Variants in TNR observed in about 807,000 individuals in gnomAD.
The protein encoded by TNR is tenascin-R.
A neutral mutation model predicts 150.4 loss-of-function variants in TNR; 45 were observed. The ratio of observed to expected loss-of-function variants is 0.30; its 90% CI spans 0.24 to 0.38. The LOEUF is 0.38. Ranked by LOEUF, TNR falls within the 10% of genes least tolerant of loss-of-function variation. TNR has a pLI of 1.00. For synonymous variants in TNR, 687 were observed against 678.4 expected (o/e 1.01, Z -0.20); for missense variants, 1,544 against 1,759.1 (o/e 0.88, Z 2.19).
At chr1:175,592,020 T>C (rs1662819199) in intron 1 of TNR, among the ~76,000 whole-genome samples, 2 of 152,224 alleles carry the variant, frequency 1.3e-5, no homozygotes, top group South Asian at 4.1e-4. Flanking sequence ...AATAAACTTC[T>C]ATTGCTTTAA....
At chr1:175,490,832 G>A (rs1188386045) in intron 2 of TNR, among the ~76,000 whole-genome samples, 4 of 152,098 alleles carry the variant, frequency 2.6e-5, no homozygotes, top group Non-Finnish European at 5.9e-5. Context: ...AGACCTAGAG[G>A]CAGAAATACC....
chr1:175,497,583 C>G (rs1050202254), intron 2 of TNR, among the ~76,000 whole-genome samples: 5 of 152,172 alleles, frequency 3.3e-5, no homozygotes, highest in African/African-American at 1.2e-4. Flanking sequence ...CCTAGGGCAG[C>G]TGCTGTTGTG....
At chr1:175,706,460 G>C (rs10913063) in intron 1 of TNR, among the ~76,000 whole-genome samples, 3 of 151,910 alleles carry the variant, frequency 2.0e-5, no homozygotes, top group Non-Finnish European at 2.9e-5. Context: ...TGACAGGAAG[G>C]CATCTTAAAG....
At position 175,578,579 on chromosome 1, in the gene TNR, G is replaced by C. The variant is rs76318755; in HGVS notation, c.-164-50210C>G. On this transcript the variant is annotated intron_variant, in intron 1 of 22. Transcript: ENST00000367674. ...GAACAGTGGGGAGAGAGATGAATGA[G>C]AGAAGGGAGGAGGGAGACCCTCAAG... Among the ~76,000 whole-genome samples, 18 of 152,256 alleles carry C rather than the reference G, an allele frequency of 1.2e-4. No homozygotes were observed. In the East Asian group the frequency reaches 1.9e-3, roughly 16 times the overall value.
chr1:175,682,385 G>A (rs1666061086), intron 1 of TNR, among the ~76,000 whole-genome samples: 1 of 152,218 alleles, frequency 6.6e-6, no homozygotes, highest in Non-Finnish European at 1.5e-5. Context: ...GCCGCTCAGA[G>A]AGGCGAGTAC....
At chr1:175,622,813 T>C (rs1664023914) in intron 1 of TNR, among the ~76,000 whole-genome samples, 1 of 152,226 alleles carries the variant, frequency 6.6e-6, no homozygotes, top group African/African-American at 2.4e-5. Context: ...TTCTTGCCTC[T>C]TCCTAGCTCC....
chr1:175,497,284 A>G (rs1484171871), intron 2 of TNR, among the ~76,000 whole-genome samples: 2 of 152,188 alleles, frequency 1.3e-5, no homozygotes, highest in African/African-American at 2.4e-5. Flanking sequence ...CTGAGAGATC[A>G]TGTGCTCCTC....
At chr1:175,730,720 T>C (rs1667615117) in intron 1 of TNR, among the ~76,000 whole-genome samples, 1 of 152,174 alleles carries the variant, frequency 6.6e-6, no homozygotes, top group South Asian at 2.1e-4. Flanking sequence ...AACATACATA[T>C]ATACTATGTT....
At chr1:175,560,753 C>G (rs1203669228) in intron 1 of TNR, among the ~76,000 whole-genome samples, 4 of 152,160 alleles carry the variant, frequency 2.6e-5, no homozygotes, top group African/African-American at 4.8e-5. Flanking sequence ...CTTTTGGTAT[C>G]TTTCCCTTAA....
chr1:175,586,190 T>C (rs1015855579), intron 1 of TNR, among the ~76,000 whole-genome samples: 2 of 152,130 alleles, frequency 1.3e-5, no homozygotes, highest in Non-Finnish European at 2.9e-5. Context: ...AAGAGGTTGA[T>C]TTCAGCCTGG....
chr1:175,596,388 G>A (rs761769195), intron 1 of TNR, among the ~76,000 whole-genome samples: 5 of 152,068 alleles, frequency 3.3e-5, no homozygotes, highest in African/African-American at 9.7e-5. Context: ...CTGTCATGAC[G>A]TCTGCCCTAC....
At chr1:175,386,416 T>G in intron 7 of TNR, 115 bp from the exon 8 acceptor site, 1 of 1,125,708 alleles carries the variant, frequency 8.9e-7, no homozygotes, top group Non-Finnish European at 1.2e-6. Flanking sequence ...GGATGGGTAT[T>G]GTTACTGCAT....
intron 2 of TNR, among the ~76,000 whole-genome samples, chr1:175,424,011 T>G (rs1275631783): frequency 6.6e-6 from 1 of 152,198 alleles, no homozygotes; most frequent in East Asian, 1.9e-4. Flanking sequence ...AAAAAAAGTT[T>G]TTTTCTGATT....
chr1:175,510,149 A>G (rs1447950471), intron 2 of TNR, among the ~76,000 whole-genome samples: 1 of 152,154 alleles, frequency 6.6e-6, no homozygotes, highest in African/African-American at 2.4e-5. Context: ...GGATCACTTG[A>G]GCCCAGGAGG....
chr1:175,407,442 C>G (rs1467824356), intron 2 of TNR, among the ~76,000 whole-genome samples: 2 of 152,130 alleles, frequency 1.3e-5, no homozygotes, highest in Non-Finnish European at 2.9e-5. Context: ...TTCCAAGTTC[C>G]TGTTTAAATT....
intron 2 of TNR, among the ~76,000 whole-genome samples, chr1:175,433,041 G>A (rs1655345522): frequency 6.6e-6 from 1 of 152,112 alleles, no homozygotes; most frequent in African/African-American, 2.4e-5. Context: ...TGGAGCATGG[G>A]CATGATGGCT....
intron 1 of TNR, among the ~76,000 whole-genome samples, chr1:175,613,271 A>C (rs1007983387): frequency 6.6e-6 from 1 of 152,020 alleles, no homozygotes; most frequent in Non-Finnish European, 1.5e-5. Context: ...TTTGCTAGCC[A>C]GGGCCCAAAT....
At chr1:175,575,390 T>C (rs1448956708) in intron 1 of TNR, among the ~76,000 whole-genome samples, 2 of 152,212 alleles carry the variant, frequency 1.3e-5, no homozygotes, top group African/African-American at 4.8e-5. Flanking sequence ...AACACCTTTA[T>C]TGAGAATCCA....
Position 175,468,931 on chromosome 1 carries a change from C to G in TNR, c.-64+59338G>C, listed in dbSNP as rs184329843. On this transcript the variant is annotated intron_variant, in intron 2 of 22. Coordinates refer to ENST00000367674, the MANE Select transcript of TNR (RefSeq NM_003285.3). ...GGTACAGTAGTCCAGGTGACAGTCA[C>G]TGAAGGCAGAAGTAGCATCTTGGTG... 1.2e-4 allele frequency among the ~76,000 whole-genome samples: 19 copies of G among 152,108 alleles called. No homozygotes were observed. The East Asian group carries it at 3.3e-3, about 26-fold the overall frequency.
Sources: gnomAD v4.1 joint callset for allele counts (sites outside exome capture counted in the v4.1 genomes callset) on GRCh38, gnomAD v4.1.1 for gene constraint, MANE v1.5 for transcripts, NCBI Gene and HGNC (gene_info 2026-07-23, HGNC 2026-07-21) for gene names.